SLC25A26: variants seen among roughly 807,000 people sequenced by gnomAD.
The protein encoded by SLC25A26 is solute carrier family 25 member 26, also known as mitochondrial S-adenosylmethionine carrier protein.
In SLC25A26, 36 loss-of-function variants were observed where a neutral mutation model predicts 37.8. That is an observed-to-expected ratio of 0.95 (90% CI 0.73 to 1.26). The LOEUF (loss-of-function observed/expected upper bound fraction) is 1.26, where lower values mean the gene tolerates loss of function less well. SLC25A26 is among the 50% of genes most tolerant of loss of function. The probability of loss-of-function intolerance (pLI) is 0.00; values close to 1 mark genes in which losing one functional copy is unlikely to be tolerated. For synonymous variants in SLC25A26, 129 were observed against 122.5 expected (o/e 1.05, Z -0.35); for missense variants, 390 against 331.1 (o/e 1.18, Z -1.38).
At chr3:66,252,270 T>A (rs2073114029) in intron 3 of SLC25A26, among the ~76,000 whole-genome samples, 1 of 152,264 alleles carries the variant, frequency 6.6e-6, no homozygotes, top group Non-Finnish European at 1.5e-5. Flanking sequence ...TGTGATTGTG[T>A]GCTTTTCAAT....
chr3:66,209,901 TA>T lies in SLC25A26; in HGVS notation c.-353-10840del, dbSNP rs2071258237. On this transcript the variant is annotated intron_variant, in intron 1 of 10. Transcript: ENST00000676754. ...ACTCCTCTCTCTCTCTCTCTATTTA[TA>T]TATATATATATATATATATATATAT... is the stretch of plus-strand genomic sequence containing the variant. Among the ~76,000 whole-genome samples, 63 of 14,482 alleles carry T rather than the reference TA, an allele frequency of 4.4e-3. 3 individuals are homozygous for T. The highest frequency in any genetic ancestry group is 0.014 in the African/African-American group (55 of 4,034). 9.5% of individuals were successfully genotyped at this position (14,482 alleles called of 152,430 possible). A position where few individuals can be genotyped will look rare whatever the true frequency, so the allele number is the denominator to read the frequency against.
chr3:66,297,053 G>A (rs913587411), intron 5 of SLC25A26, among the ~76,000 whole-genome samples: 7 of 152,130 alleles, frequency 4.6e-5, no homozygotes, highest in African/African-American at 1.2e-4. Flanking sequence ...AGCGAGGTGC[G>A]GTGGCTCACG....
intron 5 of SLC25A26, among the ~76,000 whole-genome samples, chr3:66,277,064 T>G (rs1306139372): frequency 6.6e-6 from 1 of 152,090 alleles, no homozygotes; most frequent in Admixed American, 6.6e-5. Flanking sequence ...TTGATACATA[T>G]GTACATGGAG....
chr3:66,239,796 T>C (rs947606210), intron 2 of SLC25A26, among the ~76,000 whole-genome samples: 1 of 151,452 alleles, frequency 6.6e-6, no homozygotes, highest in Admixed American at 6.6e-5. Flanking sequence ...CAGCGATGGG[T>C]TAATGAGTTT....
chr3:66,334,618 G>A (rs1232133300), intron 5 of SLC25A26, among the ~76,000 whole-genome samples: 1 of 152,142 alleles, frequency 6.6e-6, no homozygotes, highest in Non-Finnish European at 1.5e-5. Context: ...GCCGGGCCCT[G>A]AGTGGAAGCT....
At chr3:66,345,592 A>C (rs1354764289) in intron 5 of SLC25A26, among the ~76,000 whole-genome samples, 28 of 123,214 alleles carry the variant, frequency 2.3e-4, no homozygotes, top group African/African-American at 3.2e-4. Context: ...CTTTTCTTCC[A>C]CTCCTTTCTC....
chr3:66,346,715 C>CGTGTGTGTGTGTGTGTGT (rs34944870), intron 6 of SLC25A26, among the ~76,000 whole-genome samples: 1 of 138,882 alleles, frequency 7.2e-6, no homozygotes, highest in African/African-American at 2.6e-5. Flanking sequence ...TTGCTGTGTG[C>CGTGTGTGTGTGTGTGTGT]GTGTGTGTGT....
intron 5 of SLC25A26, among the ~76,000 whole-genome samples, chr3:66,344,638 G>A (rs370609129): frequency 1.2e-3 from 176 of 152,324 alleles, no homozygotes; most frequent in African/African-American, 4.0e-3. Context: ...TACTGGGCCC[G>A]TGGCGTGTGC....
chr3:66,204,713 A>G (rs1472646184), intron 1 of SLC25A26, among the ~76,000 whole-genome samples: 9 of 152,180 alleles, frequency 5.9e-5, no homozygotes, highest in Non-Finnish European at 1.5e-5. Flanking sequence ...ACTTTGTTGC[A>G]CCAATTCTGA....
intron 3 of SLC25A26, among the ~76,000 whole-genome samples, chr3:66,259,083 A>C (rs1381504168): frequency 6.6e-6 from 1 of 152,076 alleles, no homozygotes; most frequent in Non-Finnish European, 1.5e-5. Flanking sequence ...TCCTCCTGCC[A>C]GGGTAGGAGG....
Position 66,258,994 on chromosome 3 carries a change from A to G in SLC25A26, c.301-3057A>G, listed in dbSNP as rs189949262. 3.2e-4 allele frequency among the ~76,000 whole-genome samples: 48 copies of G among 152,284 alleles called. No homozygotes were observed. In the East Asian group the frequency reaches 8.9e-3, roughly 28 times the overall value. On this transcript the variant is annotated intron_variant, in intron 3 of 9. Transcript: ENST00000354883. Reference sequence around the variant, plus strand: ...ATAGCTGCATGGGCTAGTGGCCTGCATATTTGCCAGCATAGCTCTAGAATC... The same window carrying G: ...ATAGCTGCATGGGCTAGTGGCCTGCGTATTTGCCAGCATAGCTCTAGAATC...
intron 2 of SLC25A26, among the ~76,000 whole-genome samples, chr3:66,238,741 C>T (rs1005642048): frequency 6.6e-6 from 1 of 151,524 alleles, no homozygotes; most frequent in African/African-American, 2.4e-5. Context: ...GAAGAGAAAA[C>T]GTATATTCAG....
chr3:66,338,615 T>A (rs2076142609), intron 5 of SLC25A26, among the ~76,000 whole-genome samples: 1 of 152,054 alleles, frequency 6.6e-6, no homozygotes, highest in Admixed American at 6.6e-5. Flanking sequence ...ATTCACAGTG[T>A]TGTGTAACAG....
At chr3:66,308,895 A>C (rs1295888959) in intron 5 of SLC25A26, among the ~76,000 whole-genome samples, 1 of 152,166 alleles carries the variant, frequency 6.6e-6, no homozygotes, top group African/African-American at 2.4e-5. Flanking sequence ...CTGCTTGATC[A>C]TGGTGGATAA....
intron 5 of SLC25A26, among the ~76,000 whole-genome samples, chr3:66,272,457 A>T (rs2073990887): frequency 6.6e-6 from 1 of 152,164 alleles, no homozygotes; most frequent in Non-Finnish European, 1.5e-5. Context: ...AGTCTACATG[A>T]TATTAAAAAT....
chr3:66,146,220 AC>A (rs1262908358), intron 1 of SLC25A26, among the ~76,000 whole-genome samples: 1 of 151,844 alleles, frequency 6.6e-6, no homozygotes, highest in Admixed American at 6.6e-5. Flanking sequence ...GGCACCTGTA[AC>A]CTCAGCTACT....
chr3:66,176,666 G>A (rs2070592152), intron 1 of SLC25A26, among the ~76,000 whole-genome samples: 1 of 152,176 alleles, frequency 6.6e-6, no homozygotes, highest in Non-Finnish European at 1.5e-5. Context: ...TTGACTCATG[G>A]TTTGAAAGTC....
intron 4 of SLC25A26, 103 bp from the exon 5 acceptor site, chr3:66,263,229 T>G (rs1483067437): frequency 2.5e-6 from 2 of 785,670 alleles, no homozygotes; most frequent in Admixed American, 2.1e-5. Flanking sequence ...CAATTGTGAA[T>G]GTTCTAGAAC....
intron 1 of SLC25A26, among the ~76,000 whole-genome samples, chr3:66,140,564 G>A (rs2070018838): frequency 6.6e-6 from 1 of 152,192 alleles, no homozygotes; most frequent in East Asian, 1.9e-4. Context: ...GATGCACGCT[G>A]AGGTAAAAAC....
Sources: gnomAD v4.1 joint callset for allele counts (sites outside exome capture counted in the v4.1 genomes callset) on GRCh38, gnomAD v4.1.1 for gene constraint, MANE v1.5 for transcripts, NCBI Gene and HGNC (gene_info 2026-07-23, HGNC 2026-07-21) for gene names.